The following SLC5A10 variants were observed in gnomAD, a reference collection of about 807,000 sequenced individuals.
The protein encoded by SLC5A10 is solute carrier family 5 member 10.
Under a neutral mutation model 68.9 loss-of-function variants are expected in SLC5A10, and 55 were observed. That is an observed-to-expected ratio of 0.80 (90% confidence interval 0.64 to 1.00). The LOEUF (loss-of-function observed/expected upper bound fraction) is 1.00. Among genes scored for constraint, SLC5A10 ranks in the 50% least tolerant of loss-of-function variants. The pLI, the probability that SLC5A10 is intolerant of heterozygous loss-of-function variation, is 0.00. For missense variants in SLC5A10, 732 were observed against 819.3 expected, an observed-to-expected ratio of 0.89 and a Z score of 1.30; for synonymous variants, 344 against 344.8, an observed-to-expected ratio of 1.00 and a Z score of 0.02.
At chr17:19,011,950 C>T (rs138749087) in intron 9 of SLC5A10, among the ~76,000 whole-genome samples, 2,328 of 152,020 alleles carry the variant, frequency 0.015, 25 homozygotes, top group Non-Finnish European at 0.024. Flanking sequence ...AGAGGGAGCA[C>T]CAAGTCACAG....
chr17:19,003,108 A>G lies in SLC5A10; in HGVS notation c.983-10302A>G, dbSNP rs1377661925. ...GACCATGCCTATTCCCTCACCCCAC[A>G]ACAAAAGCTCTCCCCACCAGAGAGC... is the stretch of plus-strand genomic sequence containing the variant. On this transcript the variant is annotated intron_variant, in intron 9 of 14. Coordinates refer to ENST00000395645, the MANE Select transcript of SLC5A10 (RefSeq NM_001042450.4). The surrounding 1 kb of genome is among the most constrained non-coding windows in gnomAD (Gnocchi z 4.5). Among the ~76,000 whole-genome samples, 3 of 151,760 alleles carry G rather than the reference A, an allele frequency of 2.0e-5. No individual in the cohort carries two copies. Among genetic ancestry groups the G allele is most frequent in the Non-Finnish European group, 2.9e-5 (2 of 67,958 alleles).
Position 19,019,825 on chromosome 17 carries a change from TG to T in SLC5A10, c.1527del (p.Ser510AlafsTer25). ...CGEPDTRPAV[L>X]GSIHYLHFAV... is the part of the protein sequence containing the mutation. ...GAGCCAGACACGCGGCCAGCCGTCC[TG>T]GGGAGCATCCACTACCTGCACTTCG... On this transcript the variant is annotated frameshift_variant, in exon 13 of 15. Coordinates refer to ENST00000395645, the MANE Select transcript of SLC5A10 (RefSeq NM_001042450.4). LOFTEE classifies it high-confidence loss of function. 6.2e-7 allele frequency: 1 copy of T among 1,613,608 alleles called. No individual in the cohort carries two copies. The highest frequency in any genetic ancestry group is 1.1e-5 in the South Asian group (1 of 91,042).
intron 1 of SLC5A10, among the ~76,000 whole-genome samples, chr17:18,955,370 C>A (rs1361023485): frequency 6.6e-6 from 1 of 152,168 alleles, no homozygotes; most frequent in Admixed American, 6.5e-5. Context: ...CCATCAGTTT[C>A]CTCATTGGTA....
chr17:19,013,427 G>A lies in SLC5A10; in HGVS notation c.1000G>A (p.Val334Met), dbSNP rs769385420. The change falls in exon 10 of 15, where the codon GTG (valine) becomes ATG (methionine). Residue 334 changes from valine (V) to methionine (M), a missense_variant. Transcript: ENST00000395645. Reference sequence around the variant, plus strand: ...TCGAACAGATGATGTGGGCTGCGTGGTGCCGTCCGAGTGCCTGCGGGCCTG... The same window carrying A: ...TCGAACAGATGATGTGGGCTGCGTGATGCCGTCCGAGTGCCTGCGGGCCTG... ...ALFPDDVGCV[V>M]PSECLRACGA... 1.2e-6 allele frequency: 2 copies of A among 1,606,738 alleles called. No homozygotes were observed. Among genetic ancestry groups the A allele is most frequent in the Non-Finnish European group, 1.7e-6 (2 of 1,176,500 alleles).
chr17:19,011,325 G>A (rs943697018), intron 9 of SLC5A10, among the ~76,000 whole-genome samples: 5 of 152,202 alleles, frequency 3.3e-5, no homozygotes, highest in Non-Finnish European at 5.9e-5. Flanking sequence ...ACGGACAGTG[G>A]TGCCCTGGGA....
At position 19,003,029 on chromosome 17, in the gene SLC5A10, T is replaced by G. The variant is rs538862017; in HGVS notation, c.983-10381T>G. Among the ~76,000 whole-genome samples the G allele has an allele frequency of 1.3e-5, 2 of 152,040 alleles. No homozygotes were observed. Among genetic ancestry groups the G allele is most frequent in the South Asian group, 4.2e-4 (2 of 4,816 alleles). On this transcript the variant is annotated intron_variant, in intron 9 of 14. Coordinates refer to ENST00000395645, the MANE Select transcript of SLC5A10 (RefSeq NM_001042450.4). This position sits in a 1 kb window ranked among gnomAD's most constrained non-coding sequence, Gnocchi z 4.5. ...TCTGCTCCCAGTTGCTCAGCACAGC[T>G]AGGAAACAGGCAGTGTTGAACAAGG...
intron 9 of SLC5A10, chr17:18,979,139 G>T (rs2043064391): frequency 3.8e-6 from 2 of 519,738 alleles, no homozygotes; most frequent in South Asian, 4.6e-5. Context: ...ACACTGTGGG[G>T]GGTTCTGCAT....
At chr17:18,964,748 G>A (rs866127718) in intron 5 of SLC5A10, among the ~76,000 whole-genome samples, 24 of 152,162 alleles carry the variant, frequency 1.6e-4, no homozygotes, top group Middle Eastern at 6.3e-3. Context: ...GGATATGGAG[G>A]GGCAGCAATG....
At chr17:18,952,505 T>G in intron 1 of SLC5A10, 189 bp downstream of exon 1, 1 of 619,534 alleles carries the variant, frequency 1.6e-6, no homozygotes, top group Non-Finnish European at 2.7e-6. Flanking sequence ...TTTCTCTCTT[T>G]GGGTAATGGC....
Position 18,978,050 on chromosome 17 carries a change from G to A in SLC5A10, c.982+1061G>A, listed in dbSNP as rs531986245. 4.6e-6 allele frequency: 7 copies of A among 1,523,674 alleles called. No individual in the cohort carries two copies. In the African/African-American group the frequency reaches 5.6e-5, roughly 12 times the overall value. 94.4% of individuals were successfully genotyped at this position (1,523,674 alleles called of 1,614,324 possible). ...TGCCATCCTGGGTAGCCTATGGTCT[G>A]TCCCATTCTGGGGAGCTTCCTCTTT... On this transcript the variant is annotated intron_variant, in intron 9 of 14. Transcript: ENST00000395645.
chr17:18,981,207 C>T (rs1035317703), intron 9 of SLC5A10, among the ~76,000 whole-genome samples: 10 of 152,170 alleles, frequency 6.6e-5, no homozygotes, highest in Non-Finnish European at 1.0e-4. Context: ...AAGGGCTGGC[C>T]GGGAGGCTCC....
chr17:18,952,732 C>CTT (rs2042396245), intron 1 of SLC5A10, among the ~76,000 whole-genome samples: 2 of 148,614 alleles, frequency 1.3e-5, no homozygotes, highest in Non-Finnish European at 3.0e-5. Flanking sequence ...CAGGGAGGGC[C>CTT]CTGGGAACTG....
rs147655430 is a variant in SLC5A10 at position 18,991,898 on chromosome 17, C to T, written c.982+14909C>T. Among the ~76,000 whole-genome samples, 297 of 152,314 alleles carry T rather than the reference C, an allele frequency of 1.9e-3. 1 individual carries two copies. The highest frequency in any genetic ancestry group is 6.8e-3 in the African/African-American group (281 of 41,556). ...CCAGGAGGCCCAATGCCCAAGACAA[C>T]CATCTGACTCCTGCCAGGGTGTGGG... On this transcript the variant is annotated intron_variant, in intron 9 of 14. Transcript: ENST00000395645.
chr17:18,997,817 G>A (rs779575790), intron 9 of SLC5A10, among the ~76,000 whole-genome samples: 18 of 152,322 alleles, frequency 1.2e-4, no homozygotes, highest in African/African-American at 3.6e-4. Context: ...TGGAGGAGGC[G>A]AGGGGAGAGA....
intron 5 of SLC5A10, among the ~76,000 whole-genome samples, chr17:18,965,510 C>A (rs974782468): frequency 6.6e-6 from 1 of 152,230 alleles, no homozygotes; most frequent in Admixed American, 6.5e-5. Context: ...GTACCAGGGC[C>A]GGTTCCCAGC....
At chr17:19,014,480 C>T (rs936444131) in intron 10 of SLC5A10, among the ~76,000 whole-genome samples, 5 of 152,140 alleles carry the variant, frequency 3.3e-5, no homozygotes, top group Admixed American at 1.3e-4. Flanking sequence ...CAGGAAGTGG[C>T]GGAAAATTCC....
chr17:18,958,180 C>T (rs1291189174), intron 1 of SLC5A10, among the ~76,000 whole-genome samples: 3 of 152,222 alleles, frequency 2.0e-5, no homozygotes, highest in African/African-American at 4.8e-5. Flanking sequence ...AAGAGATGCT[C>T]CCACCTCAGT....
At position 19,019,832 on chromosome 17, in the gene SLC5A10, C is replaced by T; in HGVS notation, c.1530C>T (p.Ser510=). 1 of 1,613,702 alleles carries T rather than the reference C, an allele frequency of 6.2e-7. No homozygotes were observed. Among genetic ancestry groups the T allele is most frequent in the African/African-American group, 1.3e-5 (1 of 75,056 alleles). Residue 510 remains serine, a synonymous_variant, in exon 13 of 15, where the codon AGC becomes AGT. Coordinates refer to ENST00000395645, the MANE Select transcript of SLC5A10 (RefSeq NM_001042450.4). ...EPDTRPAVLG[S]IHYLHFAVAL... is the part of the protein sequence containing the mutation. The stretch of plus-strand genomic sequence containing the variant: ...ACACGCGGCCAGCCGTCCTGGGGAG[C>T]ATCCACTACCTGCACTTCGCTGTCG...
chr17:18,987,474 C>T (rs376572743), intron 9 of SLC5A10, among the ~76,000 whole-genome samples: 2 of 152,212 alleles, frequency 1.3e-5, no homozygotes, highest in East Asian at 3.9e-4. Flanking sequence ...AGGTGCCAAG[C>T]GATGGCTGGC....
Sources: gnomAD v4.1 joint callset for allele counts (sites outside exome capture counted in the v4.1 genomes callset) on GRCh38, gnomAD v4.1.1 for gene constraint, Gnocchi (gnomAD v3.1) non-coding constraint, MANE v1.5 for transcripts, NCBI Gene and HGNC (gene_info 2026-07-23, HGNC 2026-07-21) for gene names.